The following SH3RF3 variants were observed in gnomAD, a reference collection of about 807,000 sequenced individuals.
The protein encoded by SH3RF3 is SH3 domain containing ring finger 3.
In SH3RF3, 29 loss-of-function variants were observed where a neutral mutation model predicts 66.3. The ratio of observed to expected loss-of-function variants is 0.44; its 90% CI spans 0.33 to 0.60. SH3RF3 has a LOEUF of 0.60. Among genes scored for constraint, SH3RF3 ranks in the 20% least tolerant of loss-of-function variants. SH3RF3 has a pLI of 0.04. For synonymous variants in SH3RF3, 583 were observed against 532.0 expected, an observed-to-expected ratio of 1.10 and a Z score of -1.32; for missense variants, 1,194 against 1,190.9, an observed-to-expected ratio of 1.00 and a Z score of -0.04.
chr2:109,217,661 A>G (rs1470931313), intron 1 of SH3RF3, among the ~76,000 whole-genome samples: 1 of 152,228 alleles, frequency 6.6e-6, no homozygotes, highest in Non-Finnish European at 1.5e-5. Flanking sequence ...GAGATGAGGA[A>G]GCTCTCTCAC....
intron 1 of SH3RF3, among the ~76,000 whole-genome samples, chr2:109,200,579 G>T (rs1175546981): frequency 6.6e-6 from 1 of 152,132 alleles, no homozygotes; most frequent in African/African-American, 2.4e-5. Context: ...TCTAGGCACC[G>T]CCGACCTTTT....
intron 1 of SH3RF3, among the ~76,000 whole-genome samples, chr2:109,234,742 G>C (rs578154077): frequency 6.6e-6 from 1 of 152,322 alleles, no homozygotes; most frequent in Non-Finnish European, 1.5e-5. Flanking sequence ...CTGTGTGGGA[G>C]CAGCACACAC....
chr2:109,452,915 GCCAGGAGGCTGGTC>G (rs1677926324), intron 8 of SH3RF3, among the ~76,000 whole-genome samples: 1 of 146,596 alleles, frequency 6.8e-6, no homozygotes, highest in Non-Finnish European at 1.5e-5. Context: ...GGAGGCTGGT[GCCAGGAGGCTGGTC>G]CCGGGAGGCT....
rs1399209025 is a variant in SH3RF3, at chr2:109,413,415, G to A, written c.1300-6124G>A. On this transcript the variant is annotated intron_variant, in intron 4 of 9. Transcript: ENST00000309415. ...AGGCGTGAGCCACCACCCCAGGCCT[G>A]TCTGGTTATTTTAGGATTCATTCTT... Among the ~76,000 whole-genome samples the A allele has an allele frequency of 3.9e-5, 6 of 152,174 alleles. No homozygotes were observed. In the East Asian group the frequency reaches 1.2e-3, roughly 29 times the overall value.
intron 1 of SH3RF3, among the ~76,000 whole-genome samples, chr2:109,140,279 A>G (rs531919447): frequency 1.3e-5 from 2 of 152,344 alleles, no homozygotes; most frequent in South Asian, 2.1e-4. Flanking sequence ...GCATCCAGCC[A>G]TGGACCTTCT....
intron 1 of SH3RF3, among the ~76,000 whole-genome samples, chr2:109,318,978 G>C (rs935866438): frequency 2.4e-4 from 36 of 152,234 alleles, no homozygotes; most frequent in African/African-American, 7.7e-4. Flanking sequence ...TCAAGTGTCT[G>C]TCCCAGAACA....
chr2:109,354,479 A>G (rs777487767), intron 2 of SH3RF3, among the ~76,000 whole-genome samples: 1 of 152,202 alleles, frequency 6.6e-6, no homozygotes, highest in African/African-American at 2.4e-5. Flanking sequence ...GGCATTTTAC[A>G]TGTGATTCTT....
intron 4 of SH3RF3, among the ~76,000 whole-genome samples, chr2:109,403,980 G>A (rs947863368): frequency 3.3e-5 from 5 of 152,184 alleles, no homozygotes; most frequent in Non-Finnish European, 5.9e-5. Context: ...GGCTCTTTCT[G>A]CTGCTCAGGG....
In SH3RF3 at chr2:109,249,570, TCC is replaced by T. The variant is rs879909275; in HGVS notation, c.574-98103_574-98102del. Among the ~76,000 whole-genome samples the T allele has an allele frequency of 5.7e-3, 793 of 139,996 alleles. 21 individuals carry two copies. Among genetic ancestry groups the T allele is most frequent in the Middle Eastern group, 0.014 (4 of 288 alleles). The allele number at this position is 139,996 out of a possible 152,430, so 91.8% of individuals were successfully genotyped here. ...TTCCTTCCTTCCTTCCTTCCTTCCT[TCC>T]TTCCTTCCTTCCTTTCCTTTCTTTC... On this transcript the variant is annotated intron_variant, in intron 1 of 9. Transcript: ENST00000309415.
At chr2:109,414,984 C>G (rs1676684206) in intron 4 of SH3RF3, among the ~76,000 whole-genome samples, 1 of 152,238 alleles carries the variant, frequency 6.6e-6, no homozygotes, top group Non-Finnish European at 1.5e-5. Context: ...ACCTGGGCCA[C>G]CGCAGCCACA....
At chr2:109,427,826 G>C (rs915681966) in intron 5 of SH3RF3, among the ~76,000 whole-genome samples, 4 of 152,280 alleles carry the variant, frequency 2.6e-5, no homozygotes, top group African/African-American at 9.6e-5. Flanking sequence ...GGCTGAGCCA[G>C]ACCATGATGT....
intron 1 of SH3RF3, among the ~76,000 whole-genome samples, chr2:109,180,798 C>G (rs186081468): frequency 6.6e-6 from 1 of 152,180 alleles, no homozygotes; most frequent in Admixed American, 6.5e-5. Flanking sequence ...TCTGGTATGT[C>G]TATCAGCAGT....
At chr2:109,453,460 G>A (rs890012742) in intron 8 of SH3RF3, among the ~76,000 whole-genome samples, 1 of 152,210 alleles carries the variant, frequency 6.6e-6, no homozygotes, top group Non-Finnish European at 1.5e-5. Flanking sequence ...TTGAAACTGT[G>A]TGAGCACATC....
At chr2:109,138,480 T>C (rs1676864953) in intron 1 of SH3RF3, among the ~76,000 whole-genome samples, 1 of 152,220 alleles carries the variant, frequency 6.6e-6, no homozygotes, top group Non-Finnish European at 1.5e-5. Context: ...AAAATTAGCT[T>C]GGTGCTGCAT....
At position 109,300,857 on chromosome 2, in the gene SH3RF3, C is replaced by T. The variant is rs115212252; in HGVS notation, c.574-46817C>T. On this transcript the variant is annotated intron_variant, in intron 1 of 9. Transcript: ENST00000309415. Reference sequence around the variant, plus strand: ...TTCCAAGGCTCCTACTAAATCAGAACGACTTAAAAAGCAAGCAGAGTGCCC... The same window carrying T: ...TTCCAAGGCTCCTACTAAATCAGAATGACTTAAAAAGCAAGCAGAGTGCCC... Among the ~76,000 whole-genome samples, 390 of 152,278 alleles carry T rather than the reference C, an allele frequency of 2.6e-3. 3 individuals are homozygous for T. The highest frequency in any genetic ancestry group is 9.0e-3 in the African/African-American group (374 of 41,542).
At chr2:109,138,102 G>A (rs1224957868) in intron 1 of SH3RF3, among the ~76,000 whole-genome samples, 7 of 152,152 alleles carry the variant, frequency 4.6e-5, no homozygotes, top group African/African-American at 1.2e-4. Flanking sequence ...TGCTACCTCC[G>A]CCTCCAGGGT....
At chr2:109,478,372 C>G (rs1051716671) in intron 8 of SH3RF3, among the ~76,000 whole-genome samples, 1 of 152,202 alleles carries the variant, frequency 6.6e-6, no homozygotes, top group South Asian at 2.1e-4. Flanking sequence ...TTCCCAGTTA[C>G]GTCTTTAAAT....
intron 1 of SH3RF3, among the ~76,000 whole-genome samples, chr2:109,215,091 G>T (rs1270665546): frequency 6.6e-6 from 1 of 152,202 alleles, no homozygotes; most frequent in Non-Finnish European, 1.5e-5. Flanking sequence ...ACCTTCAGTG[G>T]GACGACTAAC....
Position 109,478,147 on chromosome 2 carries a change from C to T in SH3RF3, c.2149-12458C>T, listed in dbSNP as rs551355149. On this transcript the variant is annotated intron_variant, in intron 8 of 9. Coordinates refer to ENST00000309415, the MANE Select transcript of SH3RF3 (RefSeq NM_001099289.3). ...GGAGAGGAGCTGCCTGATTGGAGGC[C>T]GCCTTTGGGGCAGGCGATTCTAGTG... Among the ~76,000 whole-genome samples the T allele has an allele frequency of 2.6e-5, 4 of 152,362 alleles. 1 individual carries two copies. The highest frequency in any genetic ancestry group is 9.6e-5 in the African/African-American group (4 of 41,598).
Sources: allele counts gnomAD v4.1 joint callset (sites outside exome capture counted in the v4.1 genomes callset), GRCh38; gene constraint gnomAD v4.1.1; transcripts MANE v1.5; gene names NCBI Gene and HGNC (gene_info 2026-07-23, HGNC 2026-07-21).